PRR33: variants seen among roughly 807,000 people sequenced by gnomAD.
The protein encoded by PRR33 is proline rich 33.
Under a neutral mutation model 0.5 loss-of-function variants are expected in PRR33, and 1 was observed. That is an observed-to-expected ratio of 2.18 (90% CI 0.77 to 10.34). PRR33 has a LOEUF of 10.34. Among genes scored for constraint, PRR33 ranks in the 30% most tolerant of loss-of-function variants. The pLI, the probability that PRR33 is intolerant of heterozygous loss-of-function variation, is 0.13. For missense variants in PRR33, 552 were observed against 251.8 expected, an observed-to-expected ratio of 2.19 and a Z score of -8.07; for synonymous variants, 226 against 110.0, an observed-to-expected ratio of 2.06 and a Z score of -6.60.
chr11:1,908,453 T>C, the PRR33 span, among the ~76,000 whole-genome samples: 2 of 152,032 alleles, frequency 1.3e-5, no homozygotes, highest in Non-Finnish European at 2.9e-5. Flanking sequence ...TTTTCAAAAG[T>C]TTTTTTCTTA....
chr11:1,892,333 G>T (rs1317830388), upstream of PRR33: 1 of 152,300 alleles, frequency 6.6e-6, no homozygotes, highest in Non-Finnish European at 1.5e-5. Context: ...CCAGTGGCCA[G>T]CCCATTCCCA....
At chr11:1,910,197 T>A in the PRR33 span, among the ~76,000 whole-genome samples, 1 of 152,174 alleles carries the variant, frequency 6.6e-6, no homozygotes, top group African/African-American at 2.4e-5. Context: ...GCAATGCAAA[T>A]GCCGGACTGA....
At chr11:1,890,278 C>T (rs1054375753) in exon 1 of PRR33, 12 of 710,948 alleles carry the variant, frequency 1.7e-5, no homozygotes, top group African/African-American at 3.5e-5. Flanking sequence ...CGGGGAGCCT[C>T]GGCGGGGCGT....
At chr11:1,889,201 G>A in exon 1 of PRR33, 1 of 676,376 alleles carries the variant, frequency 1.5e-6, no homozygotes, top group Non-Finnish European at 2.7e-6. Context: ...TGGGGGCTCA[G>A]CTCCAGGATG....
At chr11:1,898,258 C>T in the PRR33 span, among the ~76,000 whole-genome samples, 1 of 150,962 alleles carries the variant, frequency 6.6e-6, no homozygotes, top group Non-Finnish European at 1.5e-5. Flanking sequence ...TTTTTGAGAC[C>T]GAGTCTCGCT....
chr11:1,890,934 G>T, exon 1 of PRR33: 1 of 240,470 alleles, frequency 4.2e-6, no homozygotes, highest in Non-Finnish European at 8.2e-6. Context: ...CACCGTGTGG[G>T]CTGGGGTGGG....
At chr11:1,901,741 A>G in the PRR33 span, among the ~76,000 whole-genome samples, 1 of 152,194 alleles carries the variant, frequency 6.6e-6, no homozygotes, top group Non-Finnish European at 1.5e-5. Context: ...AGTGAAGACA[A>G]CATGGCCAGG....
At chr11:1,912,071 G>T in the PRR33 span, among the ~76,000 whole-genome samples, 1 of 150,894 alleles carries the variant, frequency 6.6e-6, no homozygotes, top group Non-Finnish European at 1.5e-5. Context: ...ATGTGAGAGG[G>T]TGAGGTGGGG....
the PRR33 span, among the ~76,000 whole-genome samples, chr11:1,900,890 T>G: frequency 1.3e-5 from 2 of 152,226 alleles, no homozygotes; most frequent in African/African-American, 2.4e-5. Flanking sequence ...TAGGGGCCCT[T>G]AGTAGCTCTC....
At chr11:1,894,803 A>G (rs894540703), upstream of PRR33, among the ~76,000 whole-genome samples, 4 of 152,174 alleles carry the variant, frequency 2.6e-5, no homozygotes, top group African/African-American at 9.6e-5. Context: ...AGAAGGACAT[A>G]CATTTCCTTT....
At chr11:1,915,834 A>G in the PRR33 span, among the ~76,000 whole-genome samples, 3 of 150,116 alleles carry the variant, frequency 2.0e-5, no homozygotes, top group South Asian at 6.4e-4. Flanking sequence ...GGGTAGATGG[A>G]TAGATGAAGA....
the PRR33 span, among the ~76,000 whole-genome samples, chr11:1,897,365 G>A: frequency 2.0e-5 from 3 of 152,350 alleles, no homozygotes; most frequent in South Asian, 2.1e-4. The surrounding 1 kb of genome is among the most constrained non-coding windows in gnomAD (Gnocchi z 4.0). Context: ...AATGGGTTTC[G>A]TAAGTGGGAA....
chr11:1,908,273 G>A, the PRR33 span, among the ~76,000 whole-genome samples: 1 of 152,062 alleles, frequency 6.6e-6, no homozygotes, highest in Admixed American at 6.6e-5. Context: ...TGTTTCTCCT[G>A]TACGAATTTC....
At chr11:1,903,314 T>G in the PRR33 span, 1 of 105,832 alleles carries the variant, frequency 9.4e-6, no homozygotes. Flanking sequence ...TGGGGAGCTG[T>G]GGAGCGGGGG....
upstream of PRR33, among the ~76,000 whole-genome samples, chr11:1,893,503 G>A (rs930555350): frequency 2.2e-4 from 34 of 151,448 alleles, no homozygotes; most frequent in Admixed American, 4.6e-4. Context: ...ATGAAAGGAG[G>A]GATGCATGAG....
At chr11:1,906,841 A>G in the PRR33 span, among the ~76,000 whole-genome samples, 2 of 152,138 alleles carry the variant, frequency 1.3e-5, no homozygotes, top group East Asian at 1.9e-4. Context: ...CTCAGTCCCT[A>G]ATACTCCAGG....
At chr11:1,912,900 G>C in the PRR33 span, among the ~76,000 whole-genome samples, 3 of 152,156 alleles carry the variant, frequency 2.0e-5, no homozygotes, top group Non-Finnish European at 4.4e-5. Context: ...GAGCCACTGC[G>C]CCCGGCCAAC....
exon 1 of PRR33, chr11:1,889,295 G>A: frequency 1.4e-6 from 1 of 700,212 alleles, no homozygotes; most frequent in Non-Finnish European, 2.6e-6. Flanking sequence ...GCAGGCGGGT[G>A]AGGCTGGCTG....
upstream of PRR33, among the ~76,000 whole-genome samples, chr11:1,893,779 A>T (rs1184476546): frequency 6.9e-6 from 1 of 144,478 alleles, no homozygotes; most frequent in Non-Finnish European, 1.5e-5. Flanking sequence ...GTGGATGGAC[A>T]GGTGGATGGA....
Sources: gnomAD v4.1 joint callset for allele counts (sites outside exome capture counted in the v4.1 genomes callset) on GRCh38, gnomAD v4.1.1 for gene constraint, Gnocchi (gnomAD v3.1) non-coding constraint, MANE v1.5 for transcripts, NCBI Gene and HGNC (gene_info 2026-07-23, HGNC 2026-07-21) for gene names.